The following PPP1R9A variants were observed in gnomAD, a reference collection of about 807,000 sequenced individuals.
PPP1R9A encodes protein phosphatase 1 regulatory subunit 9A.
A neutral mutation model predicts 141.9 loss-of-function variants in PPP1R9A; 59 were observed. That is an observed-to-expected ratio of 0.42 (90% CI 0.34 to 0.52). PPP1R9A has a LOEUF of 0.52. PPP1R9A is among the 20% of genes least tolerant of loss of function. The pLI is 0.10. For synonymous variants in PPP1R9A, 500 were observed against 569.7 expected, an observed-to-expected ratio of 0.88 and a Z score of 1.74; for missense variants, 1,444 against 1,611.9, an observed-to-expected ratio of 0.90 and a Z score of 1.78.
chr7:95,018,763 T>A (rs1437479525), intron 2 of PPP1R9A, among the ~76,000 whole-genome samples: 4 of 152,086 alleles, frequency 2.6e-5, no homozygotes, highest in Admixed American at 6.6e-5. Flanking sequence ...CGTTGGTGGT[T>A]AAGGAGGACC....
At chr7:95,236,209 G>A (rs138556690) in intron 8 of PPP1R9A, among the ~76,000 whole-genome samples, 69 of 152,096 alleles carry the variant, frequency 4.5e-4, no homozygotes, top group African/African-American at 1.4e-3. Context: ...AAGTTTTTCC[G>A]TATTTTTTTA....
chr7:95,287,178 TTGAA>T (rs758020767), intron 18 of PPP1R9A: 46 of 1,597,248 alleles, frequency 2.9e-5, no homozygotes, highest in Non-Finnish European at 3.9e-5. Flanking sequence ...GTGCTATTGT[TTGAA>T]TGTGTTTTTT....
chr7:95,098,783 G>C (rs1417242705), intron 2 of PPP1R9A, among the ~76,000 whole-genome samples: 1 of 152,104 alleles, frequency 6.6e-6, no homozygotes, highest in East Asian at 1.9e-4. Context: ...AGGTACTCAA[G>C]ACCTCAGAGT....
intron 2 of PPP1R9A, among the ~76,000 whole-genome samples, chr7:95,084,999 A>G (rs376244180): frequency 5.0e-4 from 76 of 152,066 alleles, no homozygotes; most frequent in Middle Eastern, 6.8e-3. Flanking sequence ...CTGTTGTCAC[A>G]TTACTTATCA....
chr7:95,221,997 C>T (rs947298599), intron 7 of PPP1R9A, among the ~76,000 whole-genome samples: 8 of 152,010 alleles, frequency 5.3e-5, no homozygotes, highest in Admixed American at 3.3e-4. Flanking sequence ...TGTTTGTCAG[C>T]GATTCCTCTC....
At chr7:95,110,359 A>G (rs573687052) in intron 2 of PPP1R9A, among the ~76,000 whole-genome samples, 10 of 152,154 alleles carry the variant, frequency 6.6e-5, no homozygotes. Context: ...CCTAGATTTT[A>G]TGATTTTTGG....
rs1042725736 is a variant in PPP1R9A at position 94,977,029 on chromosome 7, G to C, written c.1395+65521G>C. Among the ~76,000 whole-genome samples the C allele has an allele frequency of 4.4e-4, 67 of 152,050 alleles. 1 individual carries two copies. Among genetic ancestry groups the C allele is most frequent in the Admixed American group, 3.3e-3 (51 of 15,268 alleles). On this transcript the variant is annotated intron_variant, in intron 2 of 19. Coordinates refer to ENST00000433360, the MANE Select transcript of PPP1R9A (RefSeq NM_001166160.2). ...TGGTATATGAGAGTAAAGGATATCA[G>C]CCAGGTTTTTGGTCTAAACAGCTAG...
At chr7:95,197,969 A>G (rs2152855773) in intron 5 of PPP1R9A, among the ~76,000 whole-genome samples, 1 of 152,296 alleles carries the variant, frequency 6.6e-6, no homozygotes, top group African/African-American at 2.4e-5. Flanking sequence ...TTTTGAAGTA[A>G]TTTTTGTTAT....
At chr7:95,095,845 T>C (rs1430984034) in intron 2 of PPP1R9A, among the ~76,000 whole-genome samples, 1 of 152,200 alleles carries the variant, frequency 6.6e-6, no homozygotes, top group East Asian at 1.9e-4. Context: ...TAACAATTAG[T>C]TGTTTGTGCT....
intron 5 of PPP1R9A, among the ~76,000 whole-genome samples, chr7:95,171,440 G>A (rs917947530): frequency 7.3e-5 from 11 of 151,364 alleles, no homozygotes; most frequent in Non-Finnish European, 1.5e-4. Context: ...AAAACATAAA[G>A]TTAGTAAATC....
intron 2 of PPP1R9A, among the ~76,000 whole-genome samples, chr7:95,040,213 T>C (rs923525219): frequency 2.6e-5 from 4 of 151,596 alleles, no homozygotes; most frequent in African/African-American, 9.7e-5. Flanking sequence ...CCTAATAACT[T>C]CTCTCTCTCC....
chr7:95,269,188 T>A lies in PPP1R9A; in HGVS notation c.2824-19T>A, dbSNP rs117385739. On this transcript the variant is annotated intron_variant, in intron 13 of 19. Coordinates refer to ENST00000433360, the MANE Select transcript of PPP1R9A (RefSeq NM_001166160.2). ...ATACTCAGTGGCATAACCTTCCTTATAATCTCTTATACCAACAGCCATCAA... is the reference window on the plus strand; with the variant it reads ...ATACTCAGTGGCATAACCTTCCTTAAAATCTCTTATACCAACAGCCATCAA... 3.9e-4 allele frequency: 585 copies of A among 1,500,280 alleles called. 8 individuals carry two copies. In the East Asian group the frequency reaches 0.01, roughly 27 times the overall value. The allele number at this position is 1,500,280 out of a possible 1,614,324, so 92.9% of individuals were successfully genotyped here.
At chr7:95,279,886 T>C (rs752341957) in intron 16 of PPP1R9A, among the ~76,000 whole-genome samples, 5 of 152,214 alleles carry the variant, frequency 3.3e-5, no homozygotes, top group Non-Finnish European at 7.3e-5. Flanking sequence ...AGTATGGATT[T>C]TATTTACGTG....
chr7:94,963,928 T>A (rs1345430353), intron 2 of PPP1R9A, among the ~76,000 whole-genome samples: 2 of 152,158 alleles, frequency 1.3e-5, no homozygotes, highest in Admixed American at 6.5e-5. Context: ...GCCATTTTAT[T>A]ACCCTTTGTC....
At chr7:95,223,836 A>C (rs904674838) in intron 7 of PPP1R9A, among the ~76,000 whole-genome samples, 2 of 152,062 alleles carry the variant, frequency 1.3e-5, no homozygotes, top group Non-Finnish European at 2.9e-5. Flanking sequence ...AAAAACAAGT[A>C]CACAGTTTTA....
chr7:95,074,779 A>G (rs573051819), intron 2 of PPP1R9A, among the ~76,000 whole-genome samples: 38 of 152,002 alleles, frequency 2.5e-4, no homozygotes, highest in African/African-American at 9.2e-4. Context: ...CGGCCCAAAG[A>G]CTACATATTT....
At chr7:95,007,838 G>A (rs867126550) in intron 2 of PPP1R9A, among the ~76,000 whole-genome samples, 6 of 152,166 alleles carry the variant, frequency 3.9e-5, no homozygotes, top group Non-Finnish European at 7.4e-5. Context: ...TTGGGAGGCC[G>A]AGGCGGGCGG....
chr7:95,116,407 T>C (rs928526513), intron 3 of PPP1R9A, among the ~76,000 whole-genome samples: 1 of 152,098 alleles, frequency 6.6e-6, no homozygotes, highest in Non-Finnish European at 1.5e-5. Context: ...ATTCAAGATA[T>C]GTATAAAAAT....
chr7:95,178,592 G>GT (rs1833241754), intron 5 of PPP1R9A, among the ~76,000 whole-genome samples: 1 of 151,872 alleles, frequency 6.6e-6, no homozygotes, highest in Non-Finnish European at 1.5e-5. Flanking sequence ...TGAAAAGTTG[G>GT]TTTTTTGAAA....
Sources: allele counts gnomAD v4.1 joint callset (sites outside exome capture counted in the v4.1 genomes callset), GRCh38; gene constraint gnomAD v4.1.1; transcripts MANE v1.5; gene names NCBI Gene and HGNC (gene_info 2026-07-23, HGNC 2026-07-21).